COG3: variants seen among roughly 807,000 people sequenced by gnomAD.
COG3 encodes component of oligomeric golgi complex 3, also known as conserved oligomeric Golgi complex subunit 3.
A neutral mutation model predicts 114.1 loss-of-function variants in COG3; 32 were observed. That is an observed-to-expected ratio of 0.28 (90% CI 0.21 to 0.38). The LOEUF is 0.38. Ranked by LOEUF, COG3 falls within the 10% of genes least tolerant of loss-of-function variation. COG3 has a pLI of 1.00. For missense variants in COG3, 813 were observed against 973.2 expected (o/e 0.84, Z 2.19); for synonymous variants, 352 against 365.7 (o/e 0.96, Z 0.43).
At chr13:45,491,605 C>A in intron 10 of COG3, 67 bp downstream of exon 10, 1 of 1,443,006 alleles carries the variant, frequency 6.9e-7, no homozygotes, top group South Asian at 1.4e-5. Context: ...ATCCTAGAAA[C>A]TATACCTGGT....
chr13:45,503,984 G>A (rs1057161570), intron 14 of COG3, among the ~76,000 whole-genome samples: 1 of 152,080 alleles, frequency 6.6e-6, no homozygotes, highest in African/African-American at 2.4e-5. Flanking sequence ...TAGGGTACAT[G>A]TTATACAAGG....
chr13:45,518,094 T>C (rs1038663209), intron 17 of COG3, among the ~76,000 whole-genome samples: 12 of 152,208 alleles, frequency 7.9e-5, no homozygotes, highest in African/African-American at 2.9e-4. Context: ...GTAAGTATTA[T>C]GGTAGTGTGT....
intron 20 of COG3, among the ~76,000 whole-genome samples, chr13:45,529,019 A>G (rs1872937808): frequency 1.3e-5 from 2 of 152,220 alleles, no homozygotes; most frequent in Non-Finnish European, 2.9e-5. Context: ...GTACACAAAG[A>G]TGCCTGTTTC....
At position 45,475,003 on chromosome 13, in the gene COG3, G is replaced by A. The variant is rs116080967; in HGVS notation, c.175-1198G>A. 5.3e-3 allele frequency among the ~76,000 whole-genome samples: 808 copies of A among 152,236 alleles called. 12 individuals carry two copies. Among genetic ancestry groups the A allele is most frequent in the African/African-American group, 0.019 (777 of 41,528 alleles). On this transcript the variant is annotated intron_variant, in intron 1 of 22. Transcript: ENST00000349995. ...GTCTTTCTTTGATAGTGGAGAACTAGAAAGTACTGTAGGTCTAATATTGTC... is the reference window on the plus strand; with the variant it reads ...GTCTTTCTTTGATAGTGGAGAACTAAAAAGTACTGTAGGTCTAATATTGTC...
chr13:45,483,390 A>G lies in COG3; in HGVS notation c.843+35A>G, dbSNP rs199986806. The G allele has an allele frequency of 2.0e-3, 3,061 of 1,495,090 alleles. 11 individuals carry two copies. Among genetic ancestry groups the G allele is most frequent in the Middle Eastern group, 3.1e-3 (17 of 5,570 alleles). The allele number at this position is 1,495,090 out of a possible 1,614,324, so 92.6% of individuals were successfully genotyped here. ...CTGATCTCAACAACAGGTTTTTGTT[A>G]TTGTTGTTGTTTTGATTCATTCATC... On this transcript the variant is annotated intron_variant, in intron 7 of 22. Transcript: ENST00000349995.
At chr13:45,516,760 C>T (rs1871583803) in intron 17 of COG3, among the ~76,000 whole-genome samples, 1 of 152,166 alleles carries the variant, frequency 6.6e-6, no homozygotes, top group African/African-American at 2.4e-5. Flanking sequence ...TTCTCCATGC[C>T]ACCTTCCTTT....
chr13:45,467,871 C>T (rs1248404046), intron 1 of COG3, among the ~76,000 whole-genome samples: 1 of 152,136 alleles, frequency 6.6e-6, no homozygotes, highest in African/African-American at 2.4e-5. Flanking sequence ...ACTTCCTGAA[C>T]AACTGGAACT....
chr13:45,501,702 C>G (rs1593716734), intron 13 of COG3, among the ~76,000 whole-genome samples: 1 of 152,134 alleles, frequency 6.6e-6, no homozygotes, highest in South Asian at 2.1e-4. Context: ...CTTTTAAGCT[C>G]TCTCAGGTGC....
intron 16 of COG3, 43 bp downstream of exon 16, chr13:45,511,897 A>G (rs1185348279): frequency 7.0e-7 from 1 of 1,430,854 alleles, no homozygotes; most frequent in Non-Finnish European, 9.9e-7. Context: ...CTGGTAAAAT[A>G]TTGTGGAATA....
intron 22 of COG3, among the ~76,000 whole-genome samples, chr13:45,532,263 G>A (rs1025627410): frequency 1.3e-4 from 19 of 151,850 alleles, no homozygotes; most frequent in African/African-American, 4.6e-4. Flanking sequence ...TATCATTCTA[G>A]GATATTTGTA....
chr13:45,500,035 T>C (rs894135458), intron 13 of COG3, among the ~76,000 whole-genome samples: 77 of 94,128 alleles, frequency 8.2e-4, no homozygotes, highest in South Asian at 2.0e-3. Flanking sequence ...AATATATATA[T>C]ATGTATGTGT....
At chr13:45,526,637 C>G (rs4318103) in intron 20 of COG3, among the ~76,000 whole-genome samples, 48,107 of 152,032 alleles carry the variant, frequency 0.32, 8,669 homozygotes, top group Admixed American at 0.42. Flanking sequence ...ATGATGCAGA[C>G]AAGGAACGTT....
chr13:45,520,135 C>A (rs931258161), intron 19 of COG3, among the ~76,000 whole-genome samples: 4 of 151,672 alleles, frequency 2.6e-5, no homozygotes, highest in Non-Finnish European at 1.5e-5. Flanking sequence ...AAAAAACGAA[C>A]AAAATTAGCC....
intron 4 of COG3, among the ~76,000 whole-genome samples, chr13:45,480,587 TA>T (rs1334441618): frequency 6.6e-6 from 1 of 152,158 alleles, no homozygotes; most frequent in African/African-American, 2.4e-5. Context: ...TTTTTATTTT[TA>T]TTTTTTTTGC....
chr13:45,502,442 A>C (rs952891402), intron 13 of COG3, among the ~76,000 whole-genome samples: 5 of 152,078 alleles, frequency 3.3e-5, no homozygotes, highest in Non-Finnish European at 7.4e-5. Flanking sequence ...AAGGGTAACC[A>C]CTTGCAGTAA....
intron 14 of COG3, among the ~76,000 whole-genome samples, chr13:45,507,272 A>G (rs1555815): frequency 0.71 from 108,125 of 152,122 alleles, 40,157 homozygotes; most frequent in Admixed American, 0.81. Flanking sequence ...TAAATATTTC[A>G]TCTCCTAAAT....
intron 2 of COG3, among the ~76,000 whole-genome samples, chr13:45,477,528 A>C (rs1296417937): frequency 6.6e-6 from 1 of 152,170 alleles, no homozygotes; most frequent in Non-Finnish European, 1.5e-5. Context: ...AAGTTTCTTC[A>C]TACTTGTTTA....
chr13:45,499,272 A>G (rs879853113), intron 13 of COG3, among the ~76,000 whole-genome samples: 4 of 152,142 alleles, frequency 2.6e-5, no homozygotes, highest in Admixed American at 6.5e-5. Flanking sequence ...TCAAGTTACA[A>G]CATACACAAA....
At chr13:45,465,687 C>G (rs1051965582) in intron 1 of COG3, 8 of 153,784 alleles carry the variant, frequency 5.2e-5, no homozygotes, top group Admixed American at 4.6e-4. Flanking sequence ...TTGGGGAGAC[C>G]AAAACTTGGT....
Sources: allele counts gnomAD v4.1 joint callset (sites outside exome capture counted in the v4.1 genomes callset), GRCh38; gene constraint gnomAD v4.1.1; transcripts MANE v1.5; gene names NCBI Gene and HGNC (gene_info 2026-07-23, HGNC 2026-07-21).